The following DLG2 variants were observed in gnomAD, a reference collection of about 807,000 sequenced individuals.
DLG2 encodes disks large homolog 2.
In DLG2, 45 loss-of-function variants were observed where a neutral mutation model predicts 132.5. The observed-to-expected ratio is 0.34, with a 90% confidence interval of 0.27 to 0.44. DLG2 has a LOEUF of 0.44. DLG2 is among the 20% of genes least tolerant of loss of function. The probability of loss-of-function intolerance (pLI) is 1.00; values close to 1 mark genes in which losing one functional copy is unlikely to be tolerated. For missense variants in DLG2, 1,045 were observed against 1,196.9 expected, an observed-to-expected ratio of 0.87 and a Z score of 1.87; for synonymous variants, 424 against 419.6, an observed-to-expected ratio of 1.01 and a Z score of -0.13.
rs112976086 is a variant in DLG2, at chr11:84,182,724, T to A, written c.574-19213A>T. Among the ~76,000 whole-genome samples the A allele has an allele frequency of 2.6e-5, 4 of 152,110 alleles. No homozygotes were observed. In the East Asian group the frequency reaches 7.7e-4, roughly 29 times the overall value. On this transcript the variant is annotated intron_variant, in intron 8 of 27. Coordinates refer to ENST00000376104, the MANE Select transcript of DLG2 (RefSeq NM_001142699.3). ...AAGGAAGGGCAAATTAAATCCAAAG[T>A]AAGCAGAAGAAAAGAAGTAAAAGTT... is the stretch of plus-strand genomic sequence containing the variant.
chr11:85,331,388 T>C (rs1278336706), intron 3 of DLG2, among the ~76,000 whole-genome samples: 1 of 152,226 alleles, frequency 6.6e-6, no homozygotes, highest in African/African-American at 2.4e-5. Flanking sequence ...TTTAACTTCT[T>C]TTTGTGTGCC....
At chr11:83,982,241 A>G (rs2092851388) in intron 11 of DLG2, among the ~76,000 whole-genome samples, 1 of 152,174 alleles carries the variant, frequency 6.6e-6, no homozygotes. Flanking sequence ...TATTAAAAAA[A>G]ATGTTAATTG....
intron 6 of DLG2, among the ~76,000 whole-genome samples, chr11:84,608,969 G>T (rs2099590542): frequency 6.6e-6 from 1 of 152,200 alleles, no homozygotes; most frequent in South Asian, 2.1e-4. Flanking sequence ...CAGGGCCATA[G>T]ATTTAGTAAG....
chr11:84,965,083 G>C (rs1041726511), intron 6 of DLG2, among the ~76,000 whole-genome samples: 1 of 152,006 alleles, frequency 6.6e-6, no homozygotes, highest in Non-Finnish European at 1.5e-5. Context: ...TGTATAAATA[G>C]ATCATAAGAT....
intron 9 of DLG2, among the ~76,000 whole-genome samples, chr11:84,106,954 AAGAGAG>A (rs150673792): frequency 2.3e-5 from 3 of 132,944 alleles, no homozygotes; most frequent in Non-Finnish European, 3.2e-5. Context: ...GAGAGAGAGA[AAGAGAG>A]AGAGAGTTTT....
At chr11:83,677,920 G>A (rs1031899209) in intron 18 of DLG2, among the ~76,000 whole-genome samples, 3 of 152,148 alleles carry the variant, frequency 2.0e-5, no homozygotes, top group Admixed American at 6.5e-5. Flanking sequence ...TCCTACAGGC[G>A]GAACCTCCCC....
chr11:83,959,118 A>T (rs2087765401), intron 14 of DLG2, among the ~76,000 whole-genome samples: 1 of 152,128 alleles, frequency 6.6e-6, no homozygotes, highest in Non-Finnish European at 1.5e-5. Flanking sequence ...CTACTAAGAG[A>T]TTGTATCCAA....
intron 6 of DLG2, among the ~76,000 whole-genome samples, chr11:84,682,098 ACC>A (rs969523458): frequency 1.3e-4 from 19 of 151,994 alleles, no homozygotes; most frequent in African/African-American, 4.3e-4. Flanking sequence ...CCGGCTACCC[ACC>A]CCAGGGAAGA....
At chr11:84,499,738 A>C (rs1017640774) in intron 7 of DLG2, among the ~76,000 whole-genome samples, 10 of 151,800 alleles carry the variant, frequency 6.6e-5, no homozygotes, top group African/African-American at 9.7e-5. Context: ...TTCTCTCTCT[A>C]TATATTCCTT....
At chr11:83,954,760 C>T (rs2086384790) in intron 14 of DLG2, among the ~76,000 whole-genome samples, 2 of 152,086 alleles carry the variant, frequency 1.3e-5, no homozygotes. Context: ...CATATTTTAG[C>T]CAGAGGGAAA....
At chr11:84,122,202 C>T (rs891758885) in intron 9 of DLG2, among the ~76,000 whole-genome samples, 1 of 151,938 alleles carries the variant, frequency 6.6e-6, no homozygotes, top group Non-Finnish European at 1.5e-5. Context: ...CACCTGTAAT[C>T]CCAGCTACTC....
chr11:85,566,984 A>C (rs151027033), intron 3 of DLG2, among the ~76,000 whole-genome samples: 1 of 152,234 alleles, frequency 6.6e-6, no homozygotes, highest in Admixed American at 6.5e-5. Context: ...GTGACCACAC[A>C]TGTATGGTTT....
At chr11:85,072,629 C>T (rs181794305) in intron 6 of DLG2, among the ~76,000 whole-genome samples, 41 of 151,856 alleles carry the variant, frequency 2.7e-4, no homozygotes, top group African/African-American at 8.9e-4. Context: ...TCACATTTTG[C>T]AATGAGGTAA....
At chr11:83,493,222 C>A (rs1350710512) in intron 21 of DLG2, among the ~76,000 whole-genome samples, 1 of 152,116 alleles carries the variant, frequency 6.6e-6, no homozygotes, top group African/African-American at 2.4e-5. Flanking sequence ...TGATTCCTCA[C>A]ATCGTTCAGA....
At chr11:83,757,410 C>G (rs2093694863) in intron 18 of DLG2, among the ~76,000 whole-genome samples, 1 of 152,172 alleles carries the variant, frequency 6.6e-6, no homozygotes, top group Non-Finnish European at 1.5e-5. Flanking sequence ...CATCACTTAA[C>G]AAAGAACTAC....
At chr11:84,505,405 G>C (rs750222522) in intron 7 of DLG2, among the ~76,000 whole-genome samples, 24 of 152,182 alleles carry the variant, frequency 1.6e-4, no homozygotes, top group Non-Finnish European at 3.1e-4. Flanking sequence ...TTTGTAGTTA[G>C]GCAATCTGAG....
At chr11:83,851,906 G>A (rs371310665) in intron 16 of DLG2, among the ~76,000 whole-genome samples, 4 of 150,318 alleles carry the variant, frequency 2.7e-5, no homozygotes, top group East Asian at 1.9e-4. Flanking sequence ...GTGACAGAGC[G>A]AGACTCCGTC....
intron 4 of DLG2, among the ~76,000 whole-genome samples, chr11:85,167,720 A>G (rs1410007880): frequency 6.6e-6 from 1 of 152,066 alleles, no homozygotes; most frequent in Non-Finnish European, 1.5e-5. Flanking sequence ...CTTTTTCTTT[A>G]GGTCTTCACT....
intron 6 of DLG2, among the ~76,000 whole-genome samples, chr11:85,001,178 C>T (rs966152035): frequency 1.4e-4 from 21 of 151,672 alleles, no homozygotes; most frequent in African/African-American, 2.4e-4. Context: ...CCTGCAGCCT[C>T]GATCTCCCAC....
Sources: gnomAD v4.1 joint callset for allele counts (sites outside exome capture counted in the v4.1 genomes callset) on GRCh38, gnomAD v4.1.1 for gene constraint, MANE v1.5 for transcripts, NCBI Gene and HGNC (gene_info 2026-07-23, HGNC 2026-07-21) for gene names.